The following HAUS8 variants were observed in gnomAD, a reference collection of about 807,000 sequenced individuals.
HAUS8 encodes the protein HAUS augmin like complex subunit 8.
In HAUS8, 38 loss-of-function variants were observed where a neutral mutation model predicts 42.9. The observed-to-expected ratio is 0.89, with a 90% CI of 0.68 to 1.16. The LOEUF (loss-of-function observed/expected upper bound fraction) is 1.16. HAUS8 is among the 50% of genes most tolerant of loss of function. HAUS8 has a pLI of 0.00. For synonymous variants in HAUS8, 199 were observed against 205.8 expected (o/e 0.97, Z 0.28); for missense variants, 494 against 511.6 (o/e 0.97, Z 0.33).
At chr19:17,052,084 G>A (rs992346336) in intron 10 of HAUS8, 11 of 152,106 alleles carry the variant, frequency 7.2e-5, no homozygotes, top group Admixed American at 5.9e-4. Context: ...AGGTTGCAGT[G>A]AGCCAAAATC....
chr19:17,069,114 C>T, intron 2 of HAUS8, 28 bp from the exon 3 acceptor site: 2 of 1,604,684 alleles, frequency 1.2e-6, no homozygotes, highest in South Asian at 1.1e-5. Context: ...TGGTGCACAA[C>T]AAAACTACAA....
At chr19:17,062,173 T>C (rs34833670) in intron 4 of HAUS8, among the ~76,000 whole-genome samples, 67,469 of 152,076 alleles carry the variant, frequency 0.44, 15,238 homozygotes, top group South Asian at 0.58. Flanking sequence ...CAGGCTGGCA[T>C]GCAATGGAGC....
chr19:17,073,190 C>T (rs989986238), intron 2 of HAUS8, 84 bp downstream of exon 2: 1 of 1,240,914 alleles, frequency 8.1e-7, no homozygotes, highest in African/African-American at 1.5e-5. Flanking sequence ...AGGCCCCCTT[C>T]TCTGGCCTGT....
Position 17,060,001 on chromosome 19 carries a change from A to T in HAUS8, c.321T>A (p.Ile107=). The T allele has an allele frequency of 6.2e-7, 1 of 1,608,048 alleles. No homozygotes were observed. The highest frequency in any genetic ancestry group is 8.5e-7 in the Non-Finnish European group (1 of 1,174,538). Residue 107 remains isoleucine (I), a synonymous_variant, in exon 5 of 11, where the codon ATT becomes ATA. Transcript: ENST00000253669. ...TAPPDLDLSA[I]NDKSIVKKTP... Reference sequence around the variant, plus strand: ...GGGGTGAAACAAATGATTTACCATTAATAGCAGAGAGATCCAGGTCAGGTG... The same window carrying T: ...GGGGTGAAACAAATGATTTACCATTTATAGCAGAGAGATCCAGGTCAGGTG...
intron 8 of HAUS8, among the ~76,000 whole-genome samples, chr19:17,057,463 T>G (rs2123366029): frequency 6.6e-6 from 1 of 152,336 alleles, no homozygotes; most frequent in Middle Eastern, 3.4e-3. Context: ...TTTCAGTATT[T>G]CTAGGCTATA....
intron 2 of HAUS8, among the ~76,000 whole-genome samples, chr19:17,072,215 C>A (rs2057429959): frequency 6.6e-6 from 1 of 152,104 alleles, no homozygotes; most frequent in Non-Finnish European, 1.5e-5. Context: ...GAAATAAAAT[C>A]CTGCTCTAAG....
intron 4 of HAUS8, 133 bp from the exon 5 acceptor site, chr19:17,060,225 T>TAAAA (rs35562523): frequency 1.4e-5 from 4 of 279,118 alleles, no homozygotes; most frequent in South Asian, 9.6e-5. Context: ...GTGGAAAGGC[T>TAAAA]AAAAAAAAAA....
intron 3 of HAUS8, among the ~76,000 whole-genome samples, chr19:17,068,033 C>T (rs911877766): frequency 3.3e-5 from 5 of 151,316 alleles, no homozygotes; most frequent in Non-Finnish European, 4.4e-5. Flanking sequence ...TACTCCAATT[C>T]GGAGTGATCG....
chr19:17,059,827 G>A (rs752974321), intron 5 of HAUS8, among the ~76,000 whole-genome samples, 170 bp downstream of exon 5: 6 of 152,094 alleles, frequency 3.9e-5, no homozygotes, highest in Non-Finnish European at 8.8e-5. Flanking sequence ...CAAAAGGCAA[G>A]TTTAATACCC....
chr19:17,074,286 G>A (rs2057449895), intron 1 of HAUS8: 1 of 152,514 alleles, frequency 6.6e-6, no homozygotes, highest in Non-Finnish European at 1.5e-5. Flanking sequence ...CACCAAAGGC[G>A]GCTCCACTGG....
intron 10 of HAUS8, chr19:17,052,336 G>C: frequency 6.4e-6 from 1 of 155,640 alleles, no homozygotes; most frequent in South Asian, 1.9e-4. Context: ...TATACTCTGT[G>C]AATCTAGGAC....
intron 2 of HAUS8, among the ~76,000 whole-genome samples, chr19:17,070,537 C>T (rs539148018): frequency 6.6e-6 from 1 of 152,206 alleles, no homozygotes; most frequent in African/African-American, 2.4e-5. Flanking sequence ...TGCTGTGCAT[C>T]CCCCTGCAGG....
At chr19:17,067,050 C>T (rs1015439101) in intron 3 of HAUS8, among the ~76,000 whole-genome samples, 1 of 151,888 alleles carries the variant, frequency 6.6e-6, no homozygotes, top group African/African-American at 2.4e-5. Flanking sequence ...ACTAAAAATA[C>T]AAAAATTAGC....
intron 9 of HAUS8, chr19:17,053,664 CT>C (rs34414452): frequency 0.094 from 12,767 of 135,728 alleles, 622 homozygotes; most frequent in Non-Finnish European, 0.13. Context: ...TTCTTTTTTT[CT>C]TTTTTTTTTT....
chr19:17,071,709 C>T (rs575855477), intron 2 of HAUS8, among the ~76,000 whole-genome samples: 10 of 152,106 alleles, frequency 6.6e-5, no homozygotes, highest in South Asian at 2.1e-4. Context: ...TTATTTTAAA[C>T]AGCCTGGCTA....
At chr19:17,073,666 C>G (rs550623759) in intron 1 of HAUS8, 1 of 294,500 alleles carries the variant, frequency 3.4e-6, no homozygotes, top group African/African-American at 2.2e-5. Context: ...CCAGTAGAGA[C>G]ACAGTGGTAA....
intron 3 of HAUS8, among the ~76,000 whole-genome samples, chr19:17,063,119 A>T (rs1313330910): frequency 1.3e-5 from 2 of 152,230 alleles, no homozygotes; most frequent in Non-Finnish European, 2.9e-5. Flanking sequence ...CAAAGTTTTT[A>T]CACATATGTT....
chr19:17,056,214 T>A (rs549054444), intron 8 of HAUS8, among the ~76,000 whole-genome samples: 4 of 152,302 alleles, frequency 2.6e-5, no homozygotes, highest in South Asian at 2.1e-4. Context: ...ACTGAGAACA[T>A]GTGTCTGCCA....
chr19:17,069,677 A>G (rs1188234653), intron 2 of HAUS8, among the ~76,000 whole-genome samples: 1 of 151,686 alleles, frequency 6.6e-6, no homozygotes, highest in Non-Finnish European at 1.5e-5. Context: ...GCCACCTGTC[A>G]CCCCAGCTTC....
Sources: allele counts gnomAD v4.1 joint callset (sites outside exome capture counted in the v4.1 genomes callset), GRCh38; gene constraint gnomAD v4.1.1; transcripts MANE v1.5; gene names NCBI Gene and HGNC (gene_info 2026-07-23, HGNC 2026-07-21).